The following NUCKS1 variants were observed in gnomAD, a reference collection of about 807,000 sequenced individuals.
NUCKS1 encodes nuclear casein kinase and cyclin dependent kinase substrate 1, also known as nuclear ubiquitous casein and cyclin-dependent kinase substrate 1.
In NUCKS1, 2 loss-of-function variants were observed where a neutral mutation model predicts 33.0. The observed-to-expected ratio is 0.06, with a 90% CI of 0.02 to 0.19. The LOEUF (loss-of-function observed/expected upper bound fraction) is 0.19. Ranked by LOEUF, NUCKS1 falls within the 10% of genes least tolerant of loss-of-function variation. The probability of loss-of-function intolerance (pLI) is 1.00; values close to 1 mark genes in which losing one functional copy is unlikely to be tolerated. For missense variants in NUCKS1, 201 were observed against 293.6 expected (o/e 0.68, Z 2.31); for synonymous variants, 106 against 102.8 (o/e 1.03, Z -0.19).
chr1:205,715,871 C>T lies in NUCKS1; in HGVS notation c.*2409G>A, dbSNP rs1264315900. Reference sequence around the variant, plus strand: ...AATGCGTCCTGACATCACTATCAAGCCTGACTATTGAGCACCTGTATCCAG... The same window carrying T: ...AATGCGTCCTGACATCACTATCAAGTCTGACTATTGAGCACCTGTATCCAG... On this transcript the variant is annotated 3_prime_UTR_variant, in exon 7 of 7. Transcript: ENST00000367142. The T allele has an allele frequency of 6.6e-6, 1 of 152,198 alleles. No individual in the cohort carries two copies. The highest frequency in any genetic ancestry group is 1.5e-5 in the Non-Finnish European group (1 of 68,042). 9.4% of individuals were successfully genotyped at this position (152,198 alleles called of 1,614,324 possible).
At position 205,720,481 on chromosome 1, in the gene NUCKS1, C is replaced by T; in HGVS notation, c.382+20G>A. On this transcript the variant is annotated intron_variant, in intron 5 of 6. Transcript: ENST00000367142. ...CAATTATGACCAAACAACCAAAGTA[C>T]ACAAAACAACTTCACATACTCTCCT... 1 of 1,601,682 alleles carries T rather than the reference C, an allele frequency of 6.2e-7. No individual in the cohort carries two copies. The highest frequency in any genetic ancestry group is 1.3e-5 in the African/African-American group (1 of 74,426).
At chr1:205,722,285 T>C (rs952217093) in intron 4 of NUCKS1, among the ~76,000 whole-genome samples, 1 of 152,008 alleles carries the variant, frequency 6.6e-6, no homozygotes, top group Non-Finnish European at 1.5e-5. Flanking sequence ...AGATGGAGTT[T>C]TGCTCTTCTT....
intron 1 of NUCKS1, among the ~76,000 whole-genome samples, chr1:205,741,217 G>A (rs1320210447): frequency 4.0e-5 from 6 of 148,998 alleles, no homozygotes; most frequent in Non-Finnish European, 7.4e-5. Context: ...GGAGAATGGC[G>A]TGAACCCGGG....
intron 1 of NUCKS1, among the ~76,000 whole-genome samples, chr1:205,743,303 G>C (rs947216913): frequency 2.0e-5 from 3 of 152,182 alleles, no homozygotes. Context: ...AAAATGCTTT[G>C]TGACTGCAAG....
intron 1 of NUCKS1, among the ~76,000 whole-genome samples, chr1:205,744,630 G>GGTTTTTTTT (rs1421044860): frequency 4.6e-5 from 4 of 87,786 alleles, no homozygotes; most frequent in African/African-American, 1.8e-4. Context: ...GTTCACTAGA[G>GGTTTTTTTT]TTTTTTTTTT....
chr1:205,728,332 A>G (rs948688031), intron 2 of NUCKS1, among the ~76,000 whole-genome samples: 2 of 151,902 alleles, frequency 1.3e-5, no homozygotes, highest in African/African-American at 4.8e-5. Context: ...ACACATGCAC[A>G]CACACACACA....
chr1:205,720,728 A>C, intron 4 of NUCKS1, 75 bp from the exon 5 acceptor site: 3 of 1,392,052 alleles, frequency 2.2e-6, no homozygotes, highest in Non-Finnish European at 2.9e-6. Flanking sequence ...AAGATTAATA[A>C]TTGACTGAAA....
chr1:205,714,268 C>A lies in NUCKS1; in HGVS notation c.*4012G>T, dbSNP rs751123387. ...CCCCCACACCCCATCAAAAAAGGAACAACAAAAAAATCCCAATTTTACCCT... is the reference window on the plus strand; with the variant it reads ...CCCCCACACCCCATCAAAAAAGGAAAAACAAAAAAATCCCAATTTTACCCT... On this transcript the variant is annotated 3_prime_UTR_variant, in exon 7 of 7. Transcript: ENST00000367142. 2.0e-5 allele frequency: 3 copies of A among 151,602 alleles called. No individual in the cohort carries two copies. The highest frequency in any genetic ancestry group is 4.4e-5 in the Non-Finnish European group (3 of 67,962). The allele number at this position is 151,602 out of a possible 1,614,324, so 9.4% of individuals were successfully genotyped here.
intron 3 of NUCKS1, among the ~76,000 whole-genome samples, chr1:205,726,920 G>A (rs1029015305): frequency 1.3e-5 from 2 of 152,036 alleles, no homozygotes; most frequent in Non-Finnish European, 2.9e-5. Context: ...GTGAGAGTGT[G>A]TATAACTTTA....
chr1:205,720,023 T>C (rs1671893352), intron 5 of NUCKS1, among the ~76,000 whole-genome samples: 1 of 152,172 alleles, frequency 6.6e-6, no homozygotes, highest in Non-Finnish European at 1.5e-5. Flanking sequence ...GAAACAAAAC[T>C]GAACTGACAG....
chr1:205,746,085 C>G (rs1654315228), intron 1 of NUCKS1, among the ~76,000 whole-genome samples: 1 of 152,112 alleles, frequency 6.6e-6, no homozygotes, highest in South Asian at 2.1e-4. Context: ...CGCCTGAGGT[C>G]AAGAGTTCGA....
intron 1 of NUCKS1, among the ~76,000 whole-genome samples, chr1:205,736,829 TAA>T (rs148933667): frequency 1.6e-4 from 21 of 127,804 alleles, no homozygotes; most frequent in East Asian, 2.2e-4. Context: ...AAACTCCTTC[TAA>T]AAAAAAAAAA....
intron 1 of NUCKS1, among the ~76,000 whole-genome samples, chr1:205,736,039 A>AG (rs1654026099): frequency 6.6e-6 from 1 of 151,962 alleles, no homozygotes; most frequent in African/African-American, 2.4e-5. Flanking sequence ...ATAGCCTCAA[A>AG]CTCCTGGACT....
In NUCKS1 at chr1:205,715,963, T is replaced by A. The variant is rs1671814438; in HGVS notation, c.*2317A>T. On this transcript the variant is annotated 3_prime_UTR_variant, in exon 7 of 7. Transcript: ENST00000367142. Reference sequence around the variant, plus strand: ...GAGGGGAAGACTAGAGTGTTTTAAATCATCAATAAAAAGTGGAGAAAACAA... The same window carrying A: ...GAGGGGAAGACTAGAGTGTTTTAAAACATCAATAAAAAGTGGAGAAAACAA... 6.6e-6 allele frequency: 1 copy of A among 152,178 alleles called. No homozygotes were observed. Among genetic ancestry groups the A allele is most frequent in the South Asian group, 2.1e-4 (1 of 4,832 alleles). 9.4% of individuals were successfully genotyped at this position (152,178 alleles called of 1,614,324 possible). A position where few individuals can be genotyped will look rare whatever the true frequency, so the allele number is the denominator to read the frequency against.
chr1:205,736,369 T>C (rs984884487), intron 1 of NUCKS1, among the ~76,000 whole-genome samples: 1 of 152,090 alleles, frequency 6.6e-6, no homozygotes, highest in Non-Finnish European at 1.5e-5. Context: ...CTGATGGTCG[T>C]GGGGGTGGGA....
intron 3 of NUCKS1, among the ~76,000 whole-genome samples, chr1:205,724,620 G>T (rs1036669428): frequency 1.3e-5 from 2 of 152,130 alleles, no homozygotes; most frequent in Non-Finnish European, 2.9e-5. Context: ...CTTGAACCCA[G>T]GAGGCAGAGG....
Position 205,750,142 on chromosome 1 carries a change from A to C in NUCKS1, c.-169T>G. On this transcript the variant is annotated 5_prime_UTR_variant, in exon 1 of 7. Transcript: ENST00000367142. ...CTGCTCTTTGGTTCAGGGCTCCTGG[A>C]ACAGACGAGCCCCCCGCTCCCCCGT... The C allele has an allele frequency of 1.5e-6, 1 of 661,972 alleles. No individual in the cohort carries two copies. The highest frequency in any genetic ancestry group is 2.6e-6 in the Non-Finnish European group (1 of 379,498). 41.0% of individuals were successfully genotyped at this position (661,972 alleles called of 1,614,324 possible).
Position 205,723,952 on chromosome 1 carries a change from G to A in NUCKS1, c.203C>T (p.Thr68Ile), listed in dbSNP as rs1489534642. 6.2e-7 allele frequency: 1 copy of A among 1,611,838 alleles called. No homozygotes were observed. The highest frequency in any genetic ancestry group is 1.3e-5 in the African/African-American group (1 of 74,810). Residue 68 changes from threonine (T) to isoleucine (I), a missense_variant, in exon 4 of 7, where the codon ACC becomes ATC. By Grantham distance (89) the Thr-to-Ile change is moderately conservative (BLOSUM62 -1). Transcript: ENST00000367142. ...SEDSEDKDVK[T>I]KKDDSHSAED... ...TGCTGAGTGAGAATCATCCTTCTTG[G>A]TCTTCACATCTTTGTCTTCTGAGTC...
rs1284304155 is a variant in NUCKS1 at position 205,719,033 on chromosome 1, G to A, written c.532+494C>T. 2.6e-5 allele frequency among the ~76,000 whole-genome samples: 4 copies of A among 152,150 alleles called. No homozygotes were observed. The East Asian group carries it at 7.7e-4, about 29-fold the overall frequency. Reference sequence around the variant, plus strand: ...ATTTAGTTAACAAACTAGCTCCAACGAGGAGAAACCATTAGGGCTCAGAAA... The same window carrying A: ...ATTTAGTTAACAAACTAGCTCCAACAAGGAGAAACCATTAGGGCTCAGAAA... On this transcript the variant is annotated intron_variant, in intron 6 of 6. Coordinates refer to ENST00000367142, the MANE Select transcript of NUCKS1 (RefSeq NM_022731.5).
Sources: gnomAD v4.1 joint callset for allele counts (sites outside exome capture counted in the v4.1 genomes callset) on GRCh38, gnomAD v4.1.1 for gene constraint, MANE v1.5 for transcripts, NCBI Gene and HGNC (gene_info 2026-07-23, HGNC 2026-07-21) for gene names.